CAPN1: variants seen among roughly 807,000 people sequenced by gnomAD.
CAPN1 encodes calpain 1.
Under a neutral mutation model 105.2 loss-of-function variants are expected in CAPN1, and 77 were observed. The observed-to-expected ratio is 0.73, with a 90% CI of 0.61 to 0.88. The LOEUF (loss-of-function observed/expected upper bound fraction) is 0.88, where lower values mean the gene tolerates loss of function less well. Ranked by LOEUF, CAPN1 falls within the 40% of genes least tolerant of loss-of-function variation. The pLI is 0.00. For missense variants in CAPN1, 833 were observed against 976.6 expected (o/e 0.85, Z 1.96); for synonymous variants, 355 against 388.8 (o/e 0.91, Z 1.02).
rs758562395 is a variant in CAPN1, at chr11:65,183,492, C to T, written c.356C>T (p.Ala119Val). Residue 119 changes from alanine to valine, a missense_variant, in exon 4 of 22, where the codon GCG (alanine) becomes GTG (valine). Transcript: ENST00000279247. ...QGALGDCWLL[A>V]AIASLTLNDT... ...GCCCCAGGGGACTGCTGGCTCTTGG[C>T]GGCCATCGCCTCCCTCACTCTCAAC... 1.2e-5 allele frequency: 19 copies of T among 1,613,106 alleles called. No homozygotes were observed. The Admixed American group carries it at 1.5e-4, about 13-fold the overall frequency.
chr11:65,210,552 C>T lies in CAPN1; in HGVS notation c.2059+100C>T. 1.2e-6 allele frequency: 1 copy of T among 800,202 alleles called. No homozygotes were observed. Among genetic ancestry groups the T allele is most frequent in the East Asian group, 2.6e-5 (1 of 37,738 alleles). The allele number at this position is 800,202 out of a possible 1,614,324, so 49.6% of individuals were successfully genotyped here. On this transcript the variant is annotated intron_variant, in intron 20 of 21. Transcript: ENST00000279247. The surrounding 1 kb of genome is among the most constrained non-coding windows in gnomAD (Gnocchi z 4.3). Reference sequence around the variant, plus strand: ...GATGGGTGAATTAGCAGATACAGGCCAGTGCTGTGGGTGTGTGCCAGAGAG... The same window carrying T: ...GATGGGTGAATTAGCAGATACAGGCTAGTGCTGTGGGTGTGTGCCAGAGAG...
intron 10 of CAPN1, among the ~76,000 whole-genome samples, chr11:65,189,029 C>CT (rs374660047): frequency 7.5e-4 from 112 of 149,280 alleles, no homozygotes; most frequent in African/African-American, 1.5e-3. Flanking sequence ...CCTGCCTTCG[C>CT]TTTTTTTTTT....
chr11:65,182,620 G>C, intron 1 of CAPN1, 81 bp from the exon 2 acceptor site: 1 of 1,404,518 alleles, frequency 7.1e-7, no homozygotes. Flanking sequence ...AGCAGGGGCA[G>C]GAGAGCAGAG....
intron 14 of CAPN1, among the ~76,000 whole-genome samples, chr11:65,207,300 G>C (rs1184466509): frequency 6.7e-6 from 1 of 149,864 alleles, no homozygotes; most frequent in African/African-American, 2.5e-5. Context: ...CCTGGGTTCA[G>C]GTGATTCTCC....
At chr11:65,199,334 C>CTT (rs1468363961) in intron 10 of CAPN1, among the ~76,000 whole-genome samples, 1 of 152,152 alleles carries the variant, frequency 6.6e-6, no homozygotes, top group Admixed American at 6.5e-5. Context: ...AGCCAGGAGT[C>CTT]TGTCTACCTT....
intron 10 of CAPN1, among the ~76,000 whole-genome samples, chr11:65,202,229 G>A (rs1307040040): frequency 6.6e-6 from 1 of 152,130 alleles, no homozygotes; most frequent in African/African-American, 2.4e-5. Context: ...TTTATCATCT[G>A]CTTCTATACC....
chr11:65,201,828 T>G (rs867813123), intron 10 of CAPN1, among the ~76,000 whole-genome samples: 1 of 136,594 alleles, frequency 7.3e-6, no homozygotes, highest in African/African-American at 2.8e-5. Flanking sequence ...TTTGTTTTTG[T>G]TTTTTTTTTT....
chr11:65,188,579 A>G lies in CAPN1; in HGVS notation c.1005-7A>G. The stretch of plus-strand genomic sequence containing the variant: ...GCTGTGCCTCACCTGTGTACCTCCC[A>G]CCTCAGGATGTCATTCCGAGACTTC... On this transcript the variant is annotated splice_region_variant and splice_polypyrimidine_tract_variant and intron_variant, in intron 9 of 21. Coordinates refer to ENST00000279247, the MANE Select transcript of CAPN1 (RefSeq NM_005186.4). This position sits in a 1 kb window ranked among gnomAD's most constrained non-coding sequence, Gnocchi z 5.5. The G allele has an allele frequency of 6.2e-7, 1 of 1,613,294 alleles. No homozygotes were observed. The highest frequency in any genetic ancestry group is 8.5e-7 in the Non-Finnish European group (1 of 1,179,682).
intron 10 of CAPN1, among the ~76,000 whole-genome samples, chr11:65,191,993 G>A (rs763615101): frequency 1.2e-4 from 18 of 152,244 alleles, no homozygotes; most frequent in Middle Eastern, 3.4e-3. Context: ...ATGATAGTAT[G>A]CTTTTTTCTT....
intron 4 of CAPN1, among the ~76,000 whole-genome samples, chr11:65,183,884 G>C (rs571387004): frequency 6.6e-6 from 1 of 152,102 alleles, no homozygotes; most frequent in Non-Finnish European, 1.5e-5. Flanking sequence ...CCCGGAGGTC[G>C]GTCTCAGTTG....
At position 65,183,157 on chromosome 11, in the gene CAPN1, G is replaced by A. The variant is rs763747881; in HGVS notation, c.297G>A (p.Val99=). The A allele has an allele frequency of 1.2e-6, 2 of 1,613,950 alleles. No homozygotes were observed. The highest frequency in any genetic ancestry group is 1.3e-5 in the African/African-American group (1 of 75,028). The change falls in exon 3 of 22, where the codon GTG becomes GTA. Residue 99 remains valine, a synonymous_variant. Transcript: ENST00000279247. ...TGCTGTCAAACCCCCAGTTCATTGT[G>A]GATGGAGCTACCCGCACAGACATCT... is the stretch of plus-strand genomic sequence containing the variant. ...TELLSNPQFI[V]DGATRTDICQ... is the part of the protein sequence containing the mutation.
chr11:65,204,612 T>C (rs1256801940), intron 10 of CAPN1, 71 bp from the exon 11 acceptor site: 5 of 1,367,750 alleles, frequency 3.7e-6, no homozygotes, highest in Non-Finnish European at 5.2e-6. Context: ...AGGGACGTGC[T>C]GAGGAGGCTT....
chr11:65,201,023 C>A (rs1948861598), intron 10 of CAPN1, among the ~76,000 whole-genome samples: 1 of 140,960 alleles, frequency 7.1e-6, no homozygotes, highest in Non-Finnish European at 1.5e-5. Context: ...CAGCTCACTG[C>A]AAGCTCCTTC....
At chr11:65,196,718 C>T (rs7942977) in intron 10 of CAPN1, among the ~76,000 whole-genome samples, 4,154 of 151,928 alleles carry the variant, frequency 0.027, 181 homozygotes, top group African/African-American at 0.093. Flanking sequence ...CATCTCTTTC[C>T]GATAAACTAG....
intron 10 of CAPN1, among the ~76,000 whole-genome samples, chr11:65,199,493 T>C (rs531056569): frequency 1.6e-4 from 25 of 152,358 alleles, no homozygotes; most frequent in South Asian, 8.3e-4. Context: ...CTAGAAAATT[T>C]GTAGTCATGA....
chr11:65,202,571 T>TAGGAGG, intron 10 of CAPN1, among the ~76,000 whole-genome samples: 1 of 152,026 alleles, frequency 6.6e-6, no homozygotes, highest in East Asian at 1.9e-4. Context: ...GCCTTCCAGG[T>TAGGAGG]AGCTGGGATT....
chr11:65,188,820 C>A lies in CAPN1; in HGVS notation c.1165+74C>A. 3 of 1,222,788 alleles carry A rather than the reference C, an allele frequency of 2.5e-6. No individual in the cohort carries two copies. Among genetic ancestry groups the A allele is most frequent in the South Asian group, 1.4e-5 (1 of 72,886 alleles). 75.7% of individuals were successfully genotyped at this position (1,222,788 alleles called of 1,614,324 possible). On this transcript the variant is annotated intron_variant, in intron 10 of 21. Coordinates refer to ENST00000279247, the MANE Select transcript of CAPN1 (RefSeq NM_005186.4). The surrounding 1 kb of genome is among the most constrained non-coding windows in gnomAD (Gnocchi z 5.5). Reference sequence around the variant, plus strand: ...CCAGAAGGCACGTCATCTTACTGAGCCTCCGTTTCCTCACTTGCAAGATAT... The same window carrying A: ...CCAGAAGGCACGTCATCTTACTGAGACTCCGTTTCCTCACTTGCAAGATAT...
chr11:65,184,185 C>T (rs915308121), intron 4 of CAPN1, among the ~76,000 whole-genome samples: 1 of 152,180 alleles, frequency 6.6e-6, no homozygotes, highest in Non-Finnish European at 1.5e-5. Flanking sequence ...CCAGCCCTGC[C>T]CGAAGGACTC....
At chr11:65,207,568 A>G (rs1293135785) in intron 14 of CAPN1, among the ~76,000 whole-genome samples, 2 of 151,782 alleles carry the variant, frequency 1.3e-5, no homozygotes, top group East Asian at 2.0e-4. Context: ...AGTGCTGGAT[A>G]TGGGGCGGGG....
Sources: gnomAD v4.1 joint callset for allele counts (sites outside exome capture counted in the v4.1 genomes callset) on GRCh38, gnomAD v4.1.1 for gene constraint, Gnocchi (gnomAD v3.1) non-coding constraint, MANE v1.5 for transcripts, NCBI Gene and HGNC (gene_info 2026-07-23, HGNC 2026-07-21) for gene names.